The following AGBL3 variants were observed in gnomAD, a reference collection of about 807,000 sequenced individuals.
The protein encoded by AGBL3 is AGBL carboxypeptidase 3.
In AGBL3, 68 loss-of-function variants were observed where a neutral mutation model predicts 94.5. The observed-to-expected ratio is 0.72, with a 90% confidence interval of 0.59 to 0.88. The LOEUF (loss-of-function observed/expected upper bound fraction) is 0.88, where lower values mean the gene tolerates loss of function less well. Among genes scored for constraint, AGBL3 ranks in the 40% least tolerant of loss-of-function variants. AGBL3 has a pLI of 0.00. For missense variants in AGBL3, 934 were observed against 1,103.8 expected (o/e 0.85, Z 2.18); for synonymous variants, 354 against 370.7 (o/e 0.95, Z 0.52).
At chr7:135,098,952 T>C (rs898523903) in intron 15 of AGBL3, among the ~76,000 whole-genome samples, 37 of 152,108 alleles carry the variant, frequency 2.4e-4, no homozygotes, top group Non-Finnish European at 4.6e-4. Context: ...AGAAACATTA[T>C]AAAAAAATTA....
chr7:135,057,024 A>T (rs1818398546), intron 11 of AGBL3, among the ~76,000 whole-genome samples: 2 of 152,290 alleles, frequency 1.3e-5, no homozygotes, highest in South Asian at 4.1e-4. Context: ...AGTACTAGAG[A>T]AAGAACAGAC....
chr7:135,099,826 A>G (rs917940705), intron 15 of AGBL3: 1 of 151,462 alleles, frequency 6.6e-6, no homozygotes, highest in African/African-American at 2.4e-5. Context: ...TAGATGCTTT[A>G]AAATCTAGTT....
chr7:135,008,413 G>A (rs1266633518), intron 4 of AGBL3, among the ~76,000 whole-genome samples: 1 of 152,058 alleles, frequency 6.6e-6, no homozygotes, highest in Non-Finnish European at 1.5e-5. Flanking sequence ...ATGGCACCCA[G>A]ACAACTGGAT....
At chr7:135,021,230 A>G (rs1303742476) in intron 5 of AGBL3, among the ~76,000 whole-genome samples, 2 of 151,816 alleles carry the variant, frequency 1.3e-5, no homozygotes, top group African/African-American at 2.4e-5. Context: ...ATGGCAATCT[A>G]CTTTGATATT....
At chr7:135,083,867 G>A (rs1043541355) in intron 15 of AGBL3, among the ~76,000 whole-genome samples, 3 of 152,102 alleles carry the variant, frequency 2.0e-5, no homozygotes, top group Admixed American at 6.6e-5. Context: ...GCTTCTGACC[G>A]AGTAGGTCTT....
At chr7:135,122,657 G>A (rs947238747) in intron 16 of AGBL3, among the ~76,000 whole-genome samples, 3 of 152,144 alleles carry the variant, frequency 2.0e-5, no homozygotes, top group Admixed American at 2.0e-4. Context: ...TACCCCTTGA[G>A]GTCAGAGATC....
intron 15 of AGBL3, chr7:135,094,239 T>C (rs1376172503): frequency 2.6e-6 from 1 of 380,906 alleles, no homozygotes; most frequent in East Asian, 7.2e-5. Flanking sequence ...TTCCTGTCCT[T>C]ACAACAACAA....
intron 4 of AGBL3, among the ~76,000 whole-genome samples, chr7:135,006,255 C>T (rs1812374068): frequency 6.6e-6 from 1 of 151,626 alleles, no homozygotes; most frequent in Non-Finnish European, 1.5e-5. Flanking sequence ...GAAATTCCAC[C>T]AGAAGTCATC....
At chr7:134,994,231 T>C (rs1810678726) in intron 4 of AGBL3, among the ~76,000 whole-genome samples, 1 of 152,214 alleles carries the variant, frequency 6.6e-6, no homozygotes, top group African/African-American at 2.4e-5. Context: ...GTCTTCTTAG[T>C]GTATCTTTAT....
intron 15 of AGBL3, among the ~76,000 whole-genome samples, chr7:135,103,210 G>C (rs2117048574): frequency 6.6e-6 from 1 of 151,988 alleles, no homozygotes; most frequent in South Asian, 2.1e-4. Flanking sequence ...TATGTTAGCT[G>C]TCTATAATCA....
chr7:135,104,497 A>G (rs1361425195), intron 15 of AGBL3, among the ~76,000 whole-genome samples: 1 of 152,194 alleles, frequency 6.6e-6, no homozygotes, highest in Non-Finnish European at 1.5e-5. Context: ...TCCTTAAGGA[A>G]TCACCATACT....
At chr7:135,019,775 A>G (rs986506413) in intron 5 of AGBL3, among the ~76,000 whole-genome samples, 1 of 152,206 alleles carries the variant, frequency 6.6e-6, no homozygotes, top group African/African-American at 2.4e-5. Flanking sequence ...ATCTACAACC[A>G]TCTGATCTTT....
At position 135,135,420 on chromosome 7, in the gene AGBL3, G is replaced by A; in HGVS notation, c.*159G>A. ...AATTTTAGATATCCCATCTTCTGTA[G>A]TGGGAACATCTTTCAGAGATTTAAA... is the stretch of plus-strand genomic sequence containing the variant. On this transcript the variant is annotated 3_prime_UTR_variant, in exon 17 of 17. Coordinates refer to ENST00000436302, the MANE Select transcript of AGBL3 (RefSeq NM_178563.4). 1 of 451,960 alleles carries A rather than the reference G, an allele frequency of 2.2e-6. No homozygotes were observed. The highest frequency in any genetic ancestry group is 3.7e-6 in the Non-Finnish European group (1 of 269,336). The allele number at this position is 451,960 out of a possible 1,614,324, so 28.0% of individuals were successfully genotyped here. A position where few individuals can be genotyped will look rare whatever the true frequency, so the allele number is the denominator to read the frequency against.
At chr7:135,111,595 T>C (rs918276062) in intron 15 of AGBL3, among the ~76,000 whole-genome samples, 4 of 151,914 alleles carry the variant, frequency 2.6e-5, no homozygotes, top group African/African-American at 9.7e-5. Context: ...TTTAATAACA[T>C]TTCACAATAG....
intron 6 of AGBL3, 27 bp from the exon 7 acceptor site, chr7:135,034,122 T>A: frequency 1.4e-6 from 2 of 1,384,336 alleles, no homozygotes; most frequent in Non-Finnish European, 1.9e-6. Context: ...CTTACGTGCT[T>A]TTTTCCCTTT....
chr7:135,117,639 AAAC>A (rs1442313547), intron 16 of AGBL3, among the ~76,000 whole-genome samples: 1 of 152,252 alleles, frequency 6.6e-6, no homozygotes, highest in Admixed American at 6.5e-5. Context: ...GTTGTAAGAA[AAAC>A]AACAACAACA....
At chr7:135,107,968 G>A (rs2348272) in intron 15 of AGBL3, among the ~76,000 whole-genome samples, 66,690 of 151,904 alleles carry the variant, frequency 0.44, 15,342 homozygotes, top group East Asian at 0.78. Flanking sequence ...ATTATGTAAT[G>A]TCTTTATCTT....
chr7:135,052,087 C>T (rs1817926748), intron 11 of AGBL3, among the ~76,000 whole-genome samples: 2 of 152,010 alleles, frequency 1.3e-5, no homozygotes, highest in South Asian at 4.1e-4. Context: ...GTTGATTCTA[C>T]CCCATCCCCC....
chr7:135,132,639 AAC>A (rs966881569), intron 16 of AGBL3, among the ~76,000 whole-genome samples: 1 of 152,170 alleles, frequency 6.6e-6, no homozygotes, highest in African/African-American at 2.4e-5. Context: ...GAATCACGGG[AAC>A]AGTTTCCCCA....
Sources: gnomAD v4.1 joint callset for allele counts (sites outside exome capture counted in the v4.1 genomes callset) on GRCh38, gnomAD v4.1.1 for gene constraint, MANE v1.5 for transcripts, NCBI Gene and HGNC (gene_info 2026-07-23, HGNC 2026-07-21) for gene names.